Variants in PRKAG2 observed in about 807,000 individuals in gnomAD.
PRKAG2 encodes protein kinase AMP-activated non-catalytic subunit gamma 2.
PRKAG2 carries 26 observed loss-of-function variants against 69.6 expected under a neutral mutation model. The observed-to-expected ratio is 0.37, with a 90% CI of 0.27 to 0.52. The LOEUF (loss-of-function observed/expected upper bound fraction) is 0.52. Ranked by LOEUF, PRKAG2 falls within the 20% of genes least tolerant of loss-of-function variation. PRKAG2 has a pLI of 0.90. For missense variants in PRKAG2, 557 were observed against 740.0 expected, an observed-to-expected ratio of 0.75 and a Z score of 2.87; for synonymous variants, 293 against 285.0, an observed-to-expected ratio of 1.03 and a Z score of -0.28.
intron 6 of PRKAG2, among the ~76,000 whole-genome samples, chr7:151,589,757 A>T (rs955286768): frequency 3.3e-5 from 5 of 152,144 alleles, no homozygotes; most frequent in African/African-American, 9.7e-5. Context: ...AACAAAGTGA[A>T]ACCCCATCTC....
intron 6 of PRKAG2, among the ~76,000 whole-genome samples, chr7:151,577,215 G>C (rs935056706): frequency 6.6e-6 from 1 of 151,824 alleles, no homozygotes; most frequent in African/African-American, 2.4e-5. Flanking sequence ...GAAAAAAAAA[G>C]GTATGAAAGA....
intron 1 of PRKAG2, among the ~76,000 whole-genome samples, chr7:151,870,156 G>GATAGATAGATA (rs1554621410): frequency 2.5e-5 from 3 of 120,108 alleles, no homozygotes; most frequent in Non-Finnish European, 5.3e-5. Flanking sequence ...TAGATAGATA[G>GATAGATAGATA]GCAGGCAGGC....
intron 3 of PRKAG2, among the ~76,000 whole-genome samples, chr7:151,683,842 G>A (rs540199064): frequency 9.2e-5 from 14 of 152,340 alleles, no homozygotes; most frequent in African/African-American, 3.4e-4. Flanking sequence ...GCGAGACCCT[G>A]TGTGACACAA....
chr7:151,789,072 T>G (rs2077150781), intron 1 of PRKAG2, among the ~76,000 whole-genome samples: 2 of 152,224 alleles, frequency 1.3e-5, no homozygotes, highest in African/African-American at 2.4e-5. Flanking sequence ...AGTTTAAAAT[T>G]GGGAAATGTG....
intron 3 of PRKAG2, among the ~76,000 whole-genome samples, chr7:151,769,265 G>A (rs1337106424): frequency 6.6e-6 from 1 of 152,228 alleles, no homozygotes; most frequent in African/African-American, 2.4e-5. Flanking sequence ...TGTAGACTGC[G>A]CTGGGTTAGA....
chr7:151,764,502 T>C (rs2075622122), intron 3 of PRKAG2, among the ~76,000 whole-genome samples: 1 of 152,184 alleles, frequency 6.6e-6, no homozygotes, highest in Non-Finnish European at 1.5e-5. Context: ...GCCCAGTACT[T>C]TCTGACTGTC....
chr7:151,877,091 TA>T lies in PRKAG2; in HGVS notation c.-472del, dbSNP rs2151920948. On this transcript the variant is annotated 5_prime_UTR_variant, in exon 1 of 16. Transcript: ENST00000287878. ...TGGAACCAGTAAGCCCGTTCGTGCA[TA>T]AATGTAATCCTCGGCCGCAGAATAA... is the stretch of plus-strand genomic sequence containing the variant. 1 of 207,110 alleles carries T rather than the reference TA, an allele frequency of 4.8e-6. No homozygotes were observed. The highest frequency in any genetic ancestry group is 7.1e-5 in the South Asian group (1 of 14,040). 12.8% of individuals were successfully genotyped at this position (207,110 alleles called of 1,614,324 possible). A position where few individuals can be genotyped will look rare whatever the true frequency, so the allele number is the denominator to read the frequency against.
At chr7:151,796,232 T>C (rs1563690478) in intron 1 of PRKAG2, among the ~76,000 whole-genome samples, 1 of 151,840 alleles carries the variant, frequency 6.6e-6, no homozygotes, top group Non-Finnish European at 1.5e-5. Flanking sequence ...GACGGATGGG[T>C]CTGCTCAGTC....
chr7:151,605,933 T>C (rs570520925), intron 5 of PRKAG2, among the ~76,000 whole-genome samples: 1 of 103,246 alleles, frequency 9.7e-6, no homozygotes, highest in South Asian at 3.1e-4. Context: ...CGAGACTCCG[T>C]CTCAAAAAAA....
chr7:151,703,390 G>A (rs115034179), intron 3 of PRKAG2, among the ~76,000 whole-genome samples: 1,878 of 152,298 alleles, frequency 0.012, 35 homozygotes, highest in African/African-American at 0.043. Flanking sequence ...AGATAGCAGC[G>A]ATTCTGCTCT....
chr7:151,632,081 A>ACTCCAGCTT lies in PRKAG2; in HGVS notation c.733_741dup (p.Lys245_Glu247dup). ...GGGGCGCACTCACCTTCGTCCTCGA[A>ACTCCAGCTT]CTCCAGCTTCTCCAGCATGCCGGCT... is the stretch of plus-strand genomic sequence containing the variant. On this transcript the variant is annotated inframe_insertion, in exon 5 of 16. Transcript: ENST00000287878. The surrounding 1 kb of genome is among the most constrained non-coding windows in gnomAD (Gnocchi z 4.2). 4.3e-6 allele frequency: 6 copies of ACTCCAGCTT among 1,408,870 alleles called. No individual in the cohort carries two copies. Among genetic ancestry groups the ACTCCAGCTT allele is most frequent in the Non-Finnish European group, 5.6e-6 (6 of 1,067,492 alleles). The allele number at this position is 1,408,870 out of a possible 1,614,324, so 87.3% of individuals were successfully genotyped here. A position where few individuals can be genotyped will look rare whatever the true frequency, so the allele number is the denominator to read the frequency against.
At position 151,875,824 on chromosome 7, in the gene PRKAG2, G is replaced by A. The variant is rs1017939967; in HGVS notation, c.114+683C>T. Among the ~76,000 whole-genome samples the A allele has an allele frequency of 1.1e-4, 16 of 152,250 alleles. No homozygotes were observed. The East Asian group carries it at 2.9e-3, about 28-fold the overall frequency. ...ATCCGAGTCGCCAATGTCCTCCCGG[G>A]CGGCTGGCGCGGACGGGGCTGAAGT... is the stretch of plus-strand genomic sequence containing the variant. On this transcript the variant is annotated intron_variant, in intron 1 of 15. Coordinates refer to ENST00000287878, the MANE Select transcript of PRKAG2 (RefSeq NM_016203.4).
chr7:151,694,346 C>G (rs1273920031), intron 3 of PRKAG2, among the ~76,000 whole-genome samples: 1 of 152,222 alleles, frequency 6.6e-6, no homozygotes, highest in Non-Finnish European at 1.5e-5. Context: ...TTCAAGCGCA[C>G]AGTTCAGCAG....
chr7:151,826,594 C>T (rs889685495), intron 1 of PRKAG2, among the ~76,000 whole-genome samples: 3 of 152,058 alleles, frequency 2.0e-5, no homozygotes, highest in African/African-American at 7.2e-5. Context: ...GAAAATGTAC[C>T]CTAATCATTG....
chr7:151,848,512 C>CTT (rs1158559692), intron 1 of PRKAG2, among the ~76,000 whole-genome samples: 1,365 of 62,216 alleles, frequency 0.022, 368 homozygotes, highest in South Asian at 0.028. Flanking sequence ...TACTGCATGT[C>CTT]TTTTTTTTTT....
At chr7:151,787,159 A>G (rs1309689429) in intron 1 of PRKAG2, among the ~76,000 whole-genome samples, 1 of 152,224 alleles carries the variant, frequency 6.6e-6, no homozygotes, top group African/African-American at 2.4e-5. Flanking sequence ...CAAATCGGGC[A>G]CAGCTGCATC....
intron 3 of PRKAG2, among the ~76,000 whole-genome samples, chr7:151,729,003 C>T (rs1798459763): frequency 6.6e-6 from 1 of 152,132 alleles, no homozygotes; most frequent in Non-Finnish European, 1.5e-5. Flanking sequence ...GTGACAGCCG[C>T]CTGGCCTGCT....
At chr7:151,721,400 A>AGGGCCGGGGCCG (rs368100608) in intron 3 of PRKAG2, among the ~76,000 whole-genome samples, 1 of 148,624 alleles carries the variant, frequency 6.7e-6, no homozygotes, top group Non-Finnish European at 1.5e-5. Flanking sequence ...GGCCGGGGCC[A>AGGGCCGGGGCCG]GGGCCGGGGC....
chr7:151,647,929 G>A (rs1827837522), intron 4 of PRKAG2, among the ~76,000 whole-genome samples: 2 of 152,158 alleles, frequency 1.3e-5, no homozygotes, highest in Non-Finnish European at 2.9e-5. Flanking sequence ...GAACAGTTTC[G>A]ACTTTGTGGA....
Sources: gnomAD v4.1 joint callset for allele counts (sites outside exome capture counted in the v4.1 genomes callset) on GRCh38, gnomAD v4.1.1 for gene constraint, Gnocchi (gnomAD v3.1) non-coding constraint, MANE v1.5 for transcripts, NCBI Gene and HGNC (gene_info 2026-07-23, HGNC 2026-07-21) for gene names.